The following RBFOX1 variants were observed in gnomAD, a reference collection of about 807,000 sequenced individuals.
RBFOX1 encodes the protein RNA binding protein fox-1 homolog 1.
RBFOX1 carries 8 observed loss-of-function variants against 57.7 expected under a neutral mutation model. That is an observed-to-expected ratio of 0.14 (90% CI 0.08 to 0.25). The LOEUF is 0.25. RBFOX1 is among the 10% of genes least tolerant of loss of function. RBFOX1 has a pLI of 1.00. For missense variants in RBFOX1, 611 were observed against 548.5 expected, an observed-to-expected ratio of 1.11 and a Z score of -1.14; for synonymous variants, 326 against 222.4, an observed-to-expected ratio of 1.47 and a Z score of -4.15.
chr16:7,139,176 C>CTCTCTGTGTGTGTGTG (rs372381673), intron 4 of RBFOX1, among the ~76,000 whole-genome samples: 15 of 145,908 alleles, frequency 1.0e-4, no homozygotes, highest in Admixed American at 5.5e-4. Context: ...CAATCTCTCT[C>CTCTCTGTGTGTGTGTG]TGTGTGTGTG....
intron 2 of RBFOX1, among the ~76,000 whole-genome samples, chr16:6,426,085 C>CCT (rs145432245): frequency 0.33 from 46,473 of 141,310 alleles, 7,405 homozygotes; most frequent in East Asian, 0.49. Flanking sequence ...TCATTTTCTC[C>CCT]CTCTCTCTCT....
intron 3 of RBFOX1, among the ~76,000 whole-genome samples, chr16:6,737,837 A>G (rs1341291529): frequency 6.6e-6 from 1 of 152,192 alleles, no homozygotes; most frequent in Non-Finnish European, 1.5e-5. Flanking sequence ...TATTTGGGAC[A>G]TTGCAGACTT....
chr16:6,348,638 C>A (rs999518968), intron 2 of RBFOX1, among the ~76,000 whole-genome samples: 7 of 152,134 alleles, frequency 4.6e-5, no homozygotes, highest in Non-Finnish European at 8.8e-5. Context: ...TGACGGAAGG[C>A]AAAGCAGGAG....
intron 2 of RBFOX1, among the ~76,000 whole-genome samples, chr16:6,388,899 A>G (rs2092445570): frequency 1.3e-5 from 2 of 152,218 alleles, no homozygotes; most frequent in East Asian, 1.9e-4. Context: ...AGAAGCAGAG[A>G]GTAGAATGGC....
At chr16:6,251,819 C>G (rs977043816) in intron 1 of RBFOX1, among the ~76,000 whole-genome samples, 1 of 152,040 alleles carries the variant, frequency 6.6e-6, no homozygotes, top group Non-Finnish European at 1.5e-5. Flanking sequence ...CCCTGCCTCT[C>G]CTTGCCAGAG....
intron 3 of RBFOX1, among the ~76,000 whole-genome samples, chr16:7,034,954 T>A (rs2043950571): frequency 6.7e-6 from 1 of 149,348 alleles, no homozygotes; most frequent in African/African-American, 2.5e-5. Context: ...GTTCTATCGA[T>A]TCTCATTCCT....
intron 3 of RBFOX1, among the ~76,000 whole-genome samples, chr16:6,899,000 C>A (rs529076808): frequency 8.2e-6 from 1 of 121,638 alleles, no homozygotes; most frequent in Non-Finnish European, 1.6e-5. Flanking sequence ...ATATATAATG[C>A]GTGTATGCAT....
chr16:5,298,491 GCCTCCCCTAACCTCCCTTCCCCTCC>G (rs2063724742), intron 1 of RBFOX1, among the ~76,000 whole-genome samples: 1 of 19,644 alleles, frequency 5.1e-5, no homozygotes, highest in Non-Finnish European at 8.1e-5. Flanking sequence ...CCCTCCCCTC[GCCTCCCCTAACCTCCCTTCCCCTCC>G]CCTCCCCTCC....
At chr16:7,411,584 T>C (rs2098425629) in intron 4 of RBFOX1, among the ~76,000 whole-genome samples, 2 of 152,078 alleles carry the variant, frequency 1.3e-5, no homozygotes, top group African/African-American at 2.4e-5. Context: ...TCGTGCAAAA[T>C]ATCTGACTGT....
chr16:6,383,402 A>G (rs1437994538), intron 2 of RBFOX1, among the ~76,000 whole-genome samples: 2 of 152,186 alleles, frequency 1.3e-5, no homozygotes, highest in Non-Finnish European at 2.9e-5. Context: ...CTGTGCAGTC[A>G]GACAGTTCTT....
chr16:6,811,097 G>T (rs1603627690), intron 3 of RBFOX1, among the ~76,000 whole-genome samples: 3 of 152,204 alleles, frequency 2.0e-5, no homozygotes, highest in Non-Finnish European at 4.4e-5. Flanking sequence ...TGTTGTGGCT[G>T]AGATACCTTG....
chr16:6,143,766 C>A (rs1368155337), intron 1 of RBFOX1, among the ~76,000 whole-genome samples: 1 of 151,968 alleles, frequency 6.6e-6, no homozygotes. Context: ...TACCTGTGCA[C>A]CTGATACTTT....
In RBFOX1 at chr16:6,513,849, T is replaced by C. The variant is rs1245678290; in HGVS notation, c.-63-140754T>C. On this transcript the variant is annotated intron_variant, in intron 2 of 15. Coordinates refer to ENST00000550418, the MANE Select transcript of RBFOX1 (RefSeq NM_018723.4). ...CAAGCGAGAGGGTGGAGTGTTCTCA[T>C]TGGTTTGGACTAGGACGCATAATCC... is the stretch of plus-strand genomic sequence containing the variant. 4.6e-5 allele frequency among the ~76,000 whole-genome samples: 7 copies of C among 152,252 alleles called. No homozygotes were observed. In the Middle Eastern group the frequency reaches 0.017, roughly 370 times the overall value.
chr16:7,173,884 C>T (rs973675255), intron 4 of RBFOX1, among the ~76,000 whole-genome samples: 2 of 152,174 alleles, frequency 1.3e-5, no homozygotes, highest in Admixed American at 6.5e-5. Flanking sequence ...CTATTATGCT[C>T]AGTGGTTTCT....
intron 3 of RBFOX1, among the ~76,000 whole-genome samples, chr16:6,664,519 A>G (rs1035593670): frequency 6.6e-6 from 1 of 152,200 alleles, no homozygotes; most frequent in Non-Finnish European, 1.5e-5. Context: ...TGTGATACAT[A>G]TACCACAAGT....
At chr16:5,454,922 T>C (rs181900348) in intron 1 of RBFOX1, among the ~76,000 whole-genome samples, 3,197 of 56,570 alleles carry the variant, frequency 0.057, 174 homozygotes, top group East Asian at 0.11. Context: ...TTCCTTTGTT[T>C]CTTTCTTCCT....
intron 2 of RBFOX1, among the ~76,000 whole-genome samples, chr16:6,497,039 T>C (rs1294920927): frequency 6.6e-6 from 1 of 152,214 alleles, no homozygotes; most frequent in Non-Finnish European, 1.5e-5. Flanking sequence ...CTTGGTTGGC[T>C]TATATGAGGC....
At chr16:7,411,166 G>C (rs2098421075) in intron 4 of RBFOX1, among the ~76,000 whole-genome samples, 1 of 152,028 alleles carries the variant, frequency 6.6e-6, no homozygotes. Flanking sequence ...GGTTGGTCTT[G>C]AACTCTTGAC....
chr16:7,695,884 A>C (rs2078656288), intron 14 of RBFOX1, among the ~76,000 whole-genome samples: 1 of 152,124 alleles, frequency 6.6e-6, no homozygotes, highest in East Asian at 1.9e-4. Context: ...GTTATAACTG[A>C]AATTCTTATA....
Sources: gnomAD v4.1 joint callset for allele counts (sites outside exome capture counted in the v4.1 genomes callset) on GRCh38, gnomAD v4.1.1 for gene constraint, MANE v1.5 for transcripts, NCBI Gene and HGNC (gene_info 2026-07-23, HGNC 2026-07-21) for gene names.